Variants in GORASP2 observed in about 807,000 individuals in gnomAD.
The protein encoded by GORASP2 is golgi reassembly stacking protein 2.
GORASP2 carries 22 observed loss-of-function variants against 45.7 expected under a neutral mutation model. The ratio of observed to expected loss-of-function variants is 0.48; its 90% CI spans 0.34 to 0.69. GORASP2 has a LOEUF of 0.69. GORASP2 is among the 30% of genes least tolerant of loss of function. The pLI is 0.01. For synonymous variants in GORASP2, 221 were observed against 215.6 expected (o/e 1.02, Z -0.22); for missense variants, 491 against 562.7 (o/e 0.87, Z 1.29).
At chr2:170,928,874 GT>G (rs1160941125), upstream of GORASP2, 1 of 154,352 alleles carries the variant, frequency 6.5e-6, no homozygotes, top group African/African-American at 2.4e-5. Context: ...AGAGAGCTTG[GT>G]GTGTGTTGAG....
chr2:170,943,815 G>A (rs964188799), intron 1 of GORASP2, among the ~76,000 whole-genome samples: 1 of 152,080 alleles, frequency 6.6e-6, no homozygotes, highest in Non-Finnish European at 1.5e-5. Context: ...TGGGACTACA[G>A]GCAATTGCCA....
intron 1 of GORASP2, among the ~76,000 whole-genome samples, chr2:170,944,545 AT>A (rs1016088910): frequency 8.5e-5 from 13 of 152,218 alleles, no homozygotes; most frequent in African/African-American, 3.1e-4. Flanking sequence ...CTATTGAATC[AT>A]TTTTGAATTA....
At chr2:170,947,421 A>G (rs982413761) in intron 1 of GORASP2, among the ~76,000 whole-genome samples, 1 of 152,138 alleles carries the variant, frequency 6.6e-6, no homozygotes, top group African/African-American at 2.4e-5. Flanking sequence ...TTACCTTTGA[A>G]TGTTCTACCC....
intron 1 of GORASP2, among the ~76,000 whole-genome samples, chr2:170,947,578 C>A (rs569504887): frequency 6.6e-6 from 1 of 152,228 alleles, no homozygotes; most frequent in Admixed American, 6.5e-5. Context: ...ATCCATTGCC[C>A]CTTCCTCTTC....
rs1704255065 is a variant in GORASP2 at position 170,949,680 on chromosome 2, T to C, written c.286T>C (p.Leu96=). 2 of 1,614,106 alleles carry C rather than the reference T, an allele frequency of 1.2e-6. No individual in the cohort carries two copies. Among genetic ancestry groups the C allele is most frequent in the Non-Finnish European group, 1.7e-6 (2 of 1,179,944 alleles). ...PSNLWGGQGL[L]GVSIRFCSFD... The stretch of plus-strand genomic sequence containing the variant: ...TAACCTGTGGGGCGGCCAGGGCTTA[T>C]TGGGAGTGAGCATTCGTTTCTGCAG... Residue 96 remains leucine, a synonymous_variant, in exon 3 of 10, where the codon TTG becomes CTG. Coordinates refer to ENST00000234160, the MANE Select transcript of GORASP2 (RefSeq NM_015530.5).
chr2:170,934,470 G>A (rs1257285762), intron 1 of GORASP2, among the ~76,000 whole-genome samples: 1 of 151,766 alleles, frequency 6.6e-6, no homozygotes, highest in Non-Finnish European at 1.5e-5. Context: ...ATGTTGGCCA[G>A]GCTGTTCTCG....
rs568747554 is a variant in GORASP2 at position 170,957,916 on chromosome 2, C to G, written c.823+1357C>G. 9.8e-5 allele frequency among the ~76,000 whole-genome samples: 15 copies of G among 152,288 alleles called. No individual in the cohort carries two copies. In the South Asian group the frequency reaches 3.1e-3, roughly 32 times the overall value. On this transcript the variant is annotated intron_variant, in intron 7 of 9. Transcript: ENST00000234160. ...TCAAGTGATCATCGTGCCTTGGCCT[C>G]CCAAATTGTTGGTATTACAGGTGCG...
At chr2:170,963,017 C>T in intron 9 of GORASP2, 71 bp downstream of exon 9, 1 of 967,396 alleles carries the variant, frequency 1.0e-6, no homozygotes, top group Non-Finnish European at 1.7e-6. Context: ...CCATCCTCTT[C>T]AGTTTTTTCT....
At chr2:170,949,900 T>A in intron 3 of GORASP2, 158 bp downstream of exon 3, 1 of 561,090 alleles carries the variant, frequency 1.8e-6, no homozygotes, top group Non-Finnish European at 3.2e-6. Context: ...TATGGATCAA[T>A]TTTTTTTTAA....
intron 1 of GORASP2, among the ~76,000 whole-genome samples, chr2:170,930,640 A>G (rs1397332026): frequency 1.1e-4 from 16 of 150,928 alleles, no homozygotes; most frequent in Admixed American, 6.6e-5. Flanking sequence ...TACTCTTAGT[A>G]GGAAAGGGTG....
At chr2:170,964,786 A>G (rs182626315) in intron 9 of GORASP2, among the ~76,000 whole-genome samples, 8 of 152,062 alleles carry the variant, frequency 5.3e-5, no homozygotes, top group Admixed American at 5.2e-4. Context: ...GACAGGCTCT[A>G]AGTAGTGAGG....
intron 6 of GORASP2, 103 bp from the exon 7 acceptor site, chr2:170,956,333 T>G (rs1278470205): frequency 1.4e-5 from 14 of 1,017,386 alleles, no homozygotes; most frequent in Middle Eastern, 2.2e-4. Context: ...ACAGCTCATG[T>G]GTGAACCAAA....
intron 9 of GORASP2, among the ~76,000 whole-genome samples, chr2:170,964,170 G>C (rs1704635383): frequency 6.6e-6 from 1 of 152,180 alleles, no homozygotes. Context: ...ACCTTTGGGA[G>C]GGCTGACTTT....
At position 170,966,068 on chromosome 2, in the gene GORASP2, AC is replaced by A. The variant is rs1704681653; in HGVS notation, c.1301del (p.Pro434GlnfsTer58). The part of the protein sequence containing the change: ...TTVEDRVGDS[T>X]PVSEKPVSAA... The stretch of plus-strand genomic sequence containing the variant: ...CGTTGAGGACAGAGTCGGCGACTCC[AC>A]CCCAGTCAGCGAGAAGCCTGTTTCT... On this transcript the variant is annotated frameshift_variant, in exon 10 of 10. Coordinates refer to ENST00000234160, the MANE Select transcript of GORASP2 (RefSeq NM_015530.5). LOFTEE classifies it high-confidence loss of function. The A allele has an allele frequency of 6.2e-7, 1 of 1,613,726 alleles. No individual in the cohort carries two copies. The highest frequency in any genetic ancestry group is 1.3e-5 in the African/African-American group (1 of 74,818).
chr2:170,965,862 T>C lies in GORASP2; in HGVS notation c.1091T>C (p.Phe364Ser). The C allele has an allele frequency of 6.2e-7, 1 of 1,613,906 alleles. No homozygotes were observed. Among genetic ancestry groups the C allele is most frequent in the Non-Finnish European group, 8.5e-7 (1 of 1,179,966 alleles). ...GCACCTCTCCCCCTGCCATCCGAGT[T>C]CCTCCCGTCATTCCCCTTGGTTCCA... Reference protein sequence around the residue: ...GIAPLPLPSEFLPSFPLVPES... With the variant: ...GIAPLPLPSESLPSFPLVPES... The change falls in exon 10 of 10, where the codon TTC (phenylalanine) becomes TCC (serine). Residue 364 changes from phenylalanine to serine, a missense_variant. By Grantham distance (155) the Phe-to-Ser change is radical. Coordinates refer to ENST00000234160, the MANE Select transcript of GORASP2 (RefSeq NM_015530.5).
rs991099223 is a variant in GORASP2 at position 170,929,258 on chromosome 2, C to T, written c.-83C>T. The T allele has an allele frequency of 1.3e-5, 15 of 1,116,596 alleles. No individual in the cohort carries two copies. Among genetic ancestry groups the T allele is most frequent in the Non-Finnish European group, 1.7e-5 (15 of 858,944 alleles). 69.2% of individuals were successfully genotyped at this position (1,116,596 alleles called of 1,614,324 possible). On this transcript the variant is annotated 5_prime_UTR_variant, in exon 1 of 10. Transcript: ENST00000234160. The stretch of plus-strand genomic sequence containing the variant: ...GGCAGCGAGTGCCACGTCCCAAGTG[C>T]TACGCGGAGGATTAGAGCAGGCGGT...
intron 7 of GORASP2, among the ~76,000 whole-genome samples, chr2:170,958,948 G>A (rs1422404274): frequency 6.6e-6 from 1 of 152,000 alleles, no homozygotes; most frequent in Non-Finnish European, 1.5e-5. Context: ...GGGATTACAG[G>A]CGTGAGCCAC....
intron 1 of GORASP2, 45 bp downstream of exon 1, chr2:170,929,448 G>A (rs1703759071): frequency 7.6e-7 from 1 of 1,311,382 alleles, no homozygotes; most frequent in Non-Finnish European, 9.8e-7. Context: ...CTGGAGGCGG[G>A]GCCGGCCGCG....
At chr2:170,936,867 T>G in intron 1 of GORASP2, 1 of 247,678 alleles carries the variant, frequency 4.0e-6, no homozygotes, top group Non-Finnish European at 8.6e-6. Context: ...CCAGCCTGGG[T>G]AACAGCAGCG....
Sources: gnomAD v4.1 joint callset for allele counts (sites outside exome capture counted in the v4.1 genomes callset) on GRCh38, gnomAD v4.1.1 for gene constraint, MANE v1.5 for transcripts, NCBI Gene and HGNC (gene_info 2026-07-23, HGNC 2026-07-21) for gene names.